RCOR1: variants seen among roughly 807,000 people sequenced by gnomAD.
RCOR1 encodes the protein REST corepressor 1, also known as REST corepressor.
In RCOR1, 12 loss-of-function variants were observed where a neutral mutation model predicts 64.0. The observed-to-expected ratio is 0.19, with a 90% CI of 0.12 to 0.30. RCOR1 has a LOEUF of 0.30. Among genes scored for constraint, RCOR1 ranks in the 10% least tolerant of loss-of-function variants. The pLI, the probability that RCOR1 is intolerant of heterozygous loss-of-function variation, is 1.00. For synonymous variants in RCOR1, 279 were observed against 227.2 expected (o/e 1.23, Z -2.05); for missense variants, 502 against 621.2 (o/e 0.81, Z 2.04).
intron 2 of RCOR1, chr14:102,651,105 T>C (rs1376030827): frequency 4.1e-6 from 4 of 984,196 alleles, no homozygotes; most frequent in Middle Eastern, 5.2e-4. Flanking sequence ...AATTTGACAG[T>C]ATGTTTGGTG....
At chr14:102,724,791 G>A (rs1399679409) in intron 11 of RCOR1, among the ~76,000 whole-genome samples, 1 of 152,142 alleles carries the variant, frequency 6.6e-6, no homozygotes, top group East Asian at 1.9e-4. Flanking sequence ...TTAGAATGCT[G>A]GCTTACTTGT....
At chr14:102,718,789 G>A (rs757230384) in intron 8 of RCOR1, among the ~76,000 whole-genome samples, 5 of 151,972 alleles carry the variant, frequency 3.3e-5, no homozygotes, top group African/African-American at 9.7e-5. Context: ...GGGGGAAGGG[G>A]GCGTATTTTG....
intron 3 of RCOR1, among the ~76,000 whole-genome samples, chr14:102,699,788 T>C (rs1003829001): frequency 6.6e-6 from 1 of 152,176 alleles, no homozygotes; most frequent in Non-Finnish European, 1.5e-5. Flanking sequence ...TTGTTGTTAT[T>C]TTTTTAATTC....
At chr14:102,598,631 G>C (rs1893318420) in intron 2 of RCOR1, among the ~76,000 whole-genome samples, 1 of 151,768 alleles carries the variant, frequency 6.6e-6, no homozygotes, top group Non-Finnish European at 1.5e-5. Context: ...TGTATTTTAA[G>C]TAGAGACGGG....
chr14:102,619,264 G>A (rs1199572107), intron 2 of RCOR1, among the ~76,000 whole-genome samples: 4 of 152,104 alleles, frequency 2.6e-5, no homozygotes, highest in African/African-American at 9.7e-5. Context: ...TGGGATTGCA[G>A]GCGTGCACTA....
intron 2 of RCOR1, among the ~76,000 whole-genome samples, chr14:102,663,553 T>A (rs1433076500): frequency 1.3e-5 from 2 of 152,206 alleles, no homozygotes; most frequent in East Asian, 3.8e-4. Context: ...TGTTATAGGA[T>A]AATCTGGGCT....
chr14:102,643,723 AG>A (rs1000981845), intron 2 of RCOR1, among the ~76,000 whole-genome samples: 1 of 152,162 alleles, frequency 6.6e-6, no homozygotes, highest in African/African-American at 2.4e-5. Flanking sequence ...CTTTTGGTAG[AG>A]TTTGAACCAG....
chr14:102,653,037 A>G (rs1323368019), intron 2 of RCOR1, among the ~76,000 whole-genome samples: 2 of 151,910 alleles, frequency 1.3e-5, no homozygotes, highest in Admixed American at 6.6e-5. Flanking sequence ...GGTTCAAGCG[A>G]TTCTCCTGCC....
At chr14:102,701,184 C>T (rs1895750557) in intron 3 of RCOR1, 94 bp from the exon 4 acceptor site, 1 of 1,016,406 alleles carries the variant, frequency 9.8e-7, no homozygotes, top group African/African-American at 1.6e-5. Flanking sequence ...ACCATATCAG[C>T]AGGCCTGAAA....
chr14:102,695,195 A>G (rs1895619456), intron 3 of RCOR1, among the ~76,000 whole-genome samples: 1 of 152,204 alleles, frequency 6.6e-6, no homozygotes, highest in Non-Finnish European at 1.5e-5. Context: ...ATGAATATAG[A>G]AACAATTGAA....
intron 2 of RCOR1, among the ~76,000 whole-genome samples, chr14:102,660,392 C>T (rs1020152744): frequency 6.6e-6 from 1 of 151,618 alleles, no homozygotes; most frequent in African/African-American, 2.4e-5. Flanking sequence ...AACTTCTTTC[C>T]CCCCTTTTTT....
intron 2 of RCOR1, among the ~76,000 whole-genome samples, chr14:102,680,048 C>A (rs1895272116): frequency 6.6e-6 from 1 of 152,082 alleles, no homozygotes; most frequent in Admixed American, 6.5e-5. Context: ...TGATCTATTT[C>A]TTCATCTTCT....
chr14:102,676,382 CAGAGGGG>C (rs1895155749), intron 2 of RCOR1, among the ~76,000 whole-genome samples: 1 of 141,866 alleles, frequency 7.0e-6, no homozygotes, highest in Non-Finnish European at 1.5e-5. Flanking sequence ...GCTGGCCGGG[CAGAGGGG>C]CTCCTCACTT....
rs1396145547 is a variant in RCOR1 at position 102,727,936 on chromosome 14, G to T, written c.*1430G>T. ...CACTCAATACGCTGAAGTCGCTTTTGTTGTTGTTGTTGTTGTTTGCATCAT... is the reference window on the plus strand; with the variant it reads ...CACTCAATACGCTGAAGTCGCTTTTTTTGTTGTTGTTGTTGTTTGCATCAT... On this transcript the variant is annotated 3_prime_UTR_variant, in exon 12 of 12. Coordinates refer to ENST00000262241, the MANE Select transcript of RCOR1 (RefSeq NM_015156.4). 2 of 152,054 alleles carry T rather than the reference G, an allele frequency of 1.3e-5. No homozygotes were observed. The highest frequency in any genetic ancestry group is 2.9e-5 in the Non-Finnish European group (2 of 67,992). The allele number at this position is 152,054 out of a possible 1,614,324, so 9.4% of individuals were successfully genotyped here.
intron 2 of RCOR1, among the ~76,000 whole-genome samples, chr14:102,636,596 A>G (rs977893021): frequency 2.9e-4 from 44 of 151,894 alleles, no homozygotes; most frequent in African/African-American, 1.0e-3. Flanking sequence ...AAATCTTTTC[A>G]TATGTTTGTA....
At chr14:102,653,498 T>C (rs577701284) in intron 2 of RCOR1, among the ~76,000 whole-genome samples, 1 of 152,328 alleles carries the variant, frequency 6.6e-6, no homozygotes, top group East Asian at 1.9e-4. Context: ...TATAGTGTTA[T>C]TCTTTAGTAG....
intron 2 of RCOR1, among the ~76,000 whole-genome samples, chr14:102,671,494 CA>C (rs1429928697): frequency 6.6e-6 from 1 of 152,128 alleles, no homozygotes; most frequent in African/African-American, 2.4e-5. Flanking sequence ...CTCTTGGGCT[CA>C]AGCAATCCTT....
intron 2 of RCOR1, among the ~76,000 whole-genome samples, chr14:102,623,386 T>A (rs944369314): frequency 2.0e-3 from 203 of 104,036 alleles, no homozygotes; most frequent in African/African-American, 6.7e-3. Context: ...TTTATTTATT[T>A]ATTATTTATT....
At chr14:102,620,381 A>G (rs1177187080) in intron 2 of RCOR1, among the ~76,000 whole-genome samples, 1 of 100,682 alleles carries the variant, frequency 9.9e-6, no homozygotes, top group Non-Finnish European at 2.6e-5. Context: ...CAGCCTGACC[A>G]ACATGGAGAA....
Sources: allele counts gnomAD v4.1 joint callset (sites outside exome capture counted in the v4.1 genomes callset), GRCh38; gene constraint gnomAD v4.1.1; transcripts MANE v1.5; gene names NCBI Gene and HGNC (gene_info 2026-07-23, HGNC 2026-07-21).